Variants in MYOF observed in about 807,000 individuals in gnomAD.
MYOF encodes myoferlin, also known as fer-1-like 3, myoferlin.
MYOF carries 244 observed loss-of-function variants against 284.2 expected under a neutral mutation model. The observed-to-expected ratio is 0.86, with a 90% CI of 0.77 to 0.95. The LOEUF (loss-of-function observed/expected upper bound fraction) is 0.95. Among genes scored for constraint, MYOF ranks in the 40% least tolerant of loss-of-function variants. The probability of loss-of-function intolerance (pLI) is 0.00; values close to 1 mark genes in which losing one functional copy is unlikely to be tolerated. For missense variants in MYOF, 2,496 were observed against 2,560.6 expected (o/e 0.97, Z 0.54); for synonymous variants, 904 against 919.7 (o/e 0.98, Z 0.31).
chr10:93,310,552 G>C lies in MYOF; in HGVS notation c.5981C>G (p.Pro1994Arg). The C allele has an allele frequency of 6.2e-7, 1 of 1,613,692 alleles. No individual in the cohort carries two copies. Among genetic ancestry groups the C allele is most frequent in the Non-Finnish European group, 8.5e-7 (1 of 1,179,820 alleles). ...GKGRDEPNMNPKLDLPNRPET... is the reference protein window; with the variant it reads ...GKGRDEPNMNRKLDLPNRPET... ...CTCTCACTTTGGTAAGTCCAGCTTG[G>C]GGTTCATGTTGGGTTCGTCCCGCCC... is the stretch of plus-strand genomic sequence containing the variant. Residue 1994 changes from proline to arginine, a missense_variant, in exon 52 of 54, where the codon CCC becomes CGC. This residue lies in a region of MYOF where 2,436 missense variants were observed against 2,480.7 expected (regional missense o/e 0.98). Transcript: ENST00000359263.
At position 93,356,663 on chromosome 10, in the gene MYOF, C is replaced by G. The variant is rs774196633; in HGVS notation, c.3294+12G>C. 2.5e-6 allele frequency: 4 copies of G among 1,610,340 alleles called. No homozygotes were observed. In the Admixed American group the frequency reaches 5.0e-5, roughly 20 times the overall value. On this transcript the variant is annotated intron_variant, in intron 30 of 53. Transcript: ENST00000359263. ...ACCAATATGATCTGCGCTCTGGCAA[C>G]CTAGTACTTACAAGGGCACCTTCAA...
chr10:93,401,379 T>C (rs780513521), intron 12 of MYOF, 39 bp downstream of exon 12: 22 of 1,607,936 alleles, frequency 1.4e-5, no homozygotes, highest in Non-Finnish European at 1.9e-5. Context: ...ATCACACACA[T>C]AATCAACAAT....
chr10:93,406,530 C>A (rs970291092), intron 7 of MYOF, among the ~76,000 whole-genome samples: 2 of 133,408 alleles, frequency 1.5e-5, no homozygotes, highest in African/African-American at 5.3e-5. Context: ...AGGGTTTACG[C>A]GTTAGGCCCA....
rs372644945 is a variant in MYOF, at chr10:93,426,222, T to A, written c.346-64A>T. On this transcript the variant is annotated intron_variant, in intron 4 of 53. Transcript: ENST00000359263. ...GGGCACCAGCATGTTATAGACTCAA[T>A]GCAAGTGACTTCAGCAGGAGCCAAA... The A allele has an allele frequency of 1.1e-5, 17 of 1,489,132 alleles. No individual in the cohort carries two copies. The East Asian group carries it at 1.2e-4, about 11-fold the overall frequency. The allele number at this position is 1,489,132 out of a possible 1,614,324, so 92.2% of individuals were successfully genotyped here.
intron 1 of MYOF, among the ~76,000 whole-genome samples, chr10:93,477,902 C>T (rs1187662592): frequency 1.3e-5 from 2 of 151,968 alleles, no homozygotes; most frequent in Admixed American, 1.3e-4. Context: ...ACACGCACCA[C>T]AGGGACACCC....
At position 93,333,817 on chromosome 10, in the gene MYOF, T is replaced by C. The variant is rs1843464084; in HGVS notation, c.4660A>G (p.Thr1554Ala). Residue 1554 changes from threonine (T) to alanine (A), a missense_variant, in exon 42 of 54, where the codon ACG (threonine) becomes GCG (alanine). This residue lies in a region of MYOF where 2,436 missense variants were observed against 2,480.7 expected (regional missense o/e 0.98). Coordinates refer to ENST00000359263, the MANE Select transcript of MYOF (RefSeq NM_013451.4). ...ELPDSVPQECTVRIYIVRGLE... is the reference protein window; with the variant it reads ...ELPDSVPQECAVRIYIVRGLE... ...CCTCGAACAATGTAAATCCTAACCG[T>C]GCATTCCTGTGGGACGCTGTCAGGT... is the stretch of plus-strand genomic sequence containing the variant. 4 of 1,614,112 alleles carry C rather than the reference T, an allele frequency of 2.5e-6. No individual in the cohort carries two copies. Among genetic ancestry groups the C allele is most frequent in the Non-Finnish European group, 3.4e-6 (4 of 1,180,018 alleles).
At chr10:93,384,211 C>A (rs1354452538) in intron 19 of MYOF, among the ~76,000 whole-genome samples, 1 of 152,212 alleles carries the variant, frequency 6.6e-6, no homozygotes, top group Admixed American at 6.5e-5. Context: ...GAGAATTCTG[C>A]CGCTCCCTCA....
Position 93,347,797 on chromosome 10 carries a change from G to A in MYOF, c.4084-15C>T. 1 of 1,604,568 alleles carries A rather than the reference G, an allele frequency of 6.2e-7. No individual in the cohort carries two copies. Among genetic ancestry groups the A allele is most frequent in the South Asian group, 1.1e-5 (1 of 90,438 alleles). On this transcript the variant is annotated splice_polypyrimidine_tract_variant and intron_variant, in intron 36 of 53. Coordinates refer to ENST00000359263, the MANE Select transcript of MYOF (RefSeq NM_013451.4). Reference sequence around the variant, plus strand: ...TTGGGCAAGAACTGGGGGTCACAAAGGTAGGTTTCATTTCTCAAGACCAGA... The same window carrying A: ...TTGGGCAAGAACTGGGGGTCACAAAAGTAGGTTTCATTTCTCAAGACCAGA...
chr10:93,456,446 C>T (rs1021097954), intron 2 of MYOF, among the ~76,000 whole-genome samples: 3 of 152,186 alleles, frequency 2.0e-5, no homozygotes, highest in Admixed American at 6.5e-5. Flanking sequence ...CATGTCATTA[C>T]CCAGCTAGAC....
At chr10:93,374,689 A>G (rs764038055) in intron 23 of MYOF, 74 bp downstream of exon 23, 155 of 1,450,512 alleles carry the variant, frequency 1.1e-4, no homozygotes, top group Non-Finnish European at 1.4e-4. Context: ...TCTTTCCACC[A>G]TCCTATTCTT....
At chr10:93,431,602 A>G (rs2134219466) in intron 3 of MYOF, 86 bp from the exon 4 acceptor site, 1 of 945,032 alleles carries the variant, frequency 1.1e-6, no homozygotes, top group East Asian at 2.6e-5. Context: ...CTACCTCTTC[A>G]TCTGTTAAAT....
chr10:93,401,604 A>T, intron 11 of MYOF, 60 bp from the exon 12 acceptor site: 3 of 1,579,704 alleles, frequency 1.9e-6, no homozygotes, highest in Non-Finnish European at 2.6e-6. Flanking sequence ...GAAAAAGCCA[A>T]ATTAATGCTT....
intron 35 of MYOF, among the ~76,000 whole-genome samples, chr10:93,350,940 A>T (rs1015058809): frequency 6.6e-6 from 1 of 152,090 alleles, no homozygotes; most frequent in African/African-American, 2.4e-5. Context: ...TCTCCAGTTG[A>T]CCTGAAAAAC....
rs1341556437 is a variant in MYOF at position 93,452,034 on chromosome 10, G to A, written c.236+16C>T. The A allele has an allele frequency of 1.9e-6, 3 of 1,558,094 alleles. No individual in the cohort carries two copies. The highest frequency in any genetic ancestry group is 2.6e-6 in the Non-Finnish European group (3 of 1,140,906). ...AGTAATACCTAAAATGAGAAAAACA[G>A]GTGAAAACAACTTACTTATTTTGTC... On this transcript the variant is annotated intron_variant, in intron 3 of 53. Transcript: ENST00000359263.
chr10:93,402,024 G>A (rs138787796), intron 11 of MYOF, among the ~76,000 whole-genome samples: 1 of 152,134 alleles, frequency 6.6e-6, no homozygotes, highest in Non-Finnish European at 1.5e-5. Context: ...TCAATTAAAT[G>A]CTCACTCATA....
At chr10:93,415,140 C>G (rs1311510829) in intron 5 of MYOF, among the ~76,000 whole-genome samples, 2 of 152,256 alleles carry the variant, frequency 1.3e-5, no homozygotes, top group African/African-American at 4.8e-5. Context: ...CCCTGCACCC[C>G]ACTTCCTCCA....
intron 1 of MYOF, among the ~76,000 whole-genome samples, chr10:93,475,221 G>A (rs919444743): frequency 6.6e-6 from 1 of 152,206 alleles, no homozygotes; most frequent in African/African-American, 2.4e-5. Flanking sequence ...ATTGAGAACT[G>A]TGCTCAGACC....
chr10:93,309,955 C>A, intron 53 of MYOF, 65 bp downstream of exon 53: 1 of 1,599,014 alleles, frequency 6.3e-7, no homozygotes, highest in Admixed American at 1.7e-5. Flanking sequence ...GGGCAGATGC[C>A]AAGGGAGAGG....
At chr10:93,347,501 G>T (rs1185832101) in intron 37 of MYOF, 116 bp downstream of exon 37, 1 of 964,338 alleles carries the variant, frequency 1.0e-6, no homozygotes, top group African/African-American at 1.8e-5. Context: ...GCAGTGAGCC[G>T]AGATTGCGCC....
Sources: allele counts gnomAD v4.1 joint callset (sites outside exome capture counted in the v4.1 genomes callset), GRCh38; gene constraint gnomAD v4.1.1; regional missense constraint gnomAD v4.1.1; transcripts MANE v1.5; gene names NCBI Gene and HGNC (gene_info 2026-07-23, HGNC 2026-07-21).